PROS1: variants seen among roughly 807,000 people sequenced by gnomAD.
The protein encoded by PROS1 is protein S, also known as vitamin K-dependent protein S.
PROS1 carries 29 observed loss-of-function variants against 75.9 expected under a neutral mutation model. The ratio of observed to expected loss-of-function variants is 0.38; its 90% CI spans 0.28 to 0.52. The LOEUF (loss-of-function observed/expected upper bound fraction) is 0.52. PROS1 is among the 20% of genes least tolerant of loss of function. PROS1 has a pLI of 0.83. For synonymous variants in PROS1, 245 were observed against 280.6 expected, an observed-to-expected ratio of 0.87 and a Z score of 1.27; for missense variants, 680 against 810.3, an observed-to-expected ratio of 0.84 and a Z score of 1.95.
intron 1 of PROS1, chr3:93,928,852 G>A (rs939697271): frequency 2.1e-5 from 15 of 718,660 alleles, no homozygotes; most frequent in Middle Eastern, 6.0e-4. Context: ...GAGAATAAAC[G>A]GGAAATAAAC....
intron 1 of PROS1, among the ~76,000 whole-genome samples, chr3:93,958,943 T>C (rs1478894544): frequency 1.3e-5 from 2 of 152,206 alleles, no homozygotes; most frequent in African/African-American, 2.4e-5. Context: ...GTAATCAATT[T>C]AGATGTGAAA....
chr3:93,959,856 T>A (rs191219564), intron 1 of PROS1, among the ~76,000 whole-genome samples: 17 of 152,358 alleles, frequency 1.1e-4, no homozygotes, highest in Admixed American at 1.0e-3. Flanking sequence ...GCTGTTACCA[T>A]ATTTTTTCGT....
chr3:93,950,304 C>G (rs933761028), intron 1 of PROS1, among the ~76,000 whole-genome samples: 6 of 152,198 alleles, frequency 3.9e-5, no homozygotes, highest in African/African-American at 7.2e-5. Context: ...CATACTTAAG[C>G]ATCCCTGTCT....
intron 1 of PROS1, among the ~76,000 whole-genome samples, chr3:93,941,429 C>T (rs1183170727): frequency 6.6e-6 from 1 of 152,194 alleles, no homozygotes; most frequent in Non-Finnish European, 1.5e-5. Flanking sequence ...TTCTACAAAA[C>T]AACAGCTCCT....
chr3:93,943,070 T>G (rs1709314776), intron 1 of PROS1, among the ~76,000 whole-genome samples: 1 of 152,186 alleles, frequency 6.6e-6, no homozygotes. Flanking sequence ...GCTTCCCACC[T>G]CTATACAGTC....
chr3:93,927,917 A>G (rs1240055007), intron 1 of PROS1, among the ~76,000 whole-genome samples: 1 of 139,038 alleles, frequency 7.2e-6, no homozygotes, highest in Non-Finnish European at 1.5e-5. Flanking sequence ...GTGTGTGTAT[A>G]TATATATGTG....
rs529378754 is a variant in PROS1 at position 93,936,754 on chromosome 3, T to C, written c.77-9347A>G. Among the ~76,000 whole-genome samples the C allele has an allele frequency of 5.6e-4, 85 of 152,338 alleles. 1 individual carries two copies. The highest frequency in any genetic ancestry group is 9.9e-4 in the Non-Finnish European group (67 of 68,016). On this transcript the variant is annotated intron_variant, in intron 1 of 14. Transcript: ENST00000394236. ...ACTAATACACAAGGCAAGTTAGTCATGGACTATTTCTAGCTGCTCTGTAAA... is the reference window on the plus strand; with the variant it reads ...ACTAATACACAAGGCAAGTTAGTCACGGACTATTTCTAGCTGCTCTGTAAA...
At position 93,947,658 on chromosome 3, in the gene PROS1, C is replaced by T. The variant is rs189539691; in HGVS notation, c.77-20251G>A. Among the ~76,000 whole-genome samples, 625 of 152,228 alleles carry T rather than the reference C, an allele frequency of 4.1e-3. 7 individuals are homozygous for T. The highest frequency in any genetic ancestry group is 0.014 in the African/African-American group (562 of 41,526). On this transcript the variant is annotated intron_variant, in intron 1 of 14. Transcript: ENST00000394236. ...CTCGGCTCACTGCAAGCTCCACCGC[C>T]CAGGTTCACACCATTCTCCTGCCTC...
rs1708537663 is a variant in PROS1, at chr3:93,898,580, A to C, written c.728-11T>G. 1 of 1,611,736 alleles carries C rather than the reference A, an allele frequency of 6.2e-7. No homozygotes were observed. The highest frequency in any genetic ancestry group is 1.3e-5 in the African/African-American group (1 of 74,960). ...AGCATTCATCTATATCTGAGGTAAAAAAAACACACGCACACAAACTTTAAT... is the reference window on the plus strand; with the variant it reads ...AGCATTCATCTATATCTGAGGTAAACAAAACACACGCACACAAACTTTAAT... On this transcript the variant is annotated splice_polypyrimidine_tract_variant and intron_variant, in intron 7 of 14. Coordinates refer to ENST00000394236, the MANE Select transcript of PROS1 (RefSeq NM_000313.4).
intron 1 of PROS1, among the ~76,000 whole-genome samples, chr3:93,951,657 A>T (rs1709498224): frequency 6.6e-6 from 1 of 152,212 alleles, no homozygotes; most frequent in Non-Finnish European, 1.5e-5. Flanking sequence ...AATCGTAAAC[A>T]CCATCGATGC....
At chr3:93,888,011 T>C (rs564858310) in intron 10 of PROS1, among the ~76,000 whole-genome samples, 2 of 152,356 alleles carry the variant, frequency 1.3e-5, no homozygotes, top group East Asian at 3.8e-4. Context: ...TATCAAGTAT[T>C]CTTAAAATCT....
At chr3:93,950,565 A>T (rs1182799467) in intron 1 of PROS1, among the ~76,000 whole-genome samples, 4 of 152,222 alleles carry the variant, frequency 2.6e-5, no homozygotes, top group Non-Finnish European at 5.9e-5. Context: ...GATACCCAGG[A>T]AAATAGGGCC....
chr3:93,915,481 A>G (rs2107185025), intron 3 of PROS1, among the ~76,000 whole-genome samples: 1 of 152,310 alleles, frequency 6.6e-6, no homozygotes, highest in East Asian at 1.9e-4. Flanking sequence ...AAATAAATAG[A>G]TAAATAAATT....
At chr3:93,880,613 T>C (rs1708262935) in intron 12 of PROS1, among the ~76,000 whole-genome samples, 1 of 152,230 alleles carries the variant, frequency 6.6e-6, no homozygotes, top group Admixed American at 6.5e-5. Context: ...GATAAATGCA[T>C]ACAATGTGTA....
At chr3:93,909,887 AATT>A (rs1708734251) in intron 4 of PROS1, among the ~76,000 whole-genome samples, 5 of 152,262 alleles carry the variant, frequency 3.3e-5, no homozygotes, top group East Asian at 3.9e-4. Flanking sequence ...TTTTTATCAA[AATT>A]ATTATTATTC....
At chr3:93,928,404 C>T (rs1709058500) in intron 1 of PROS1, among the ~76,000 whole-genome samples, 1 of 151,044 alleles carries the variant, frequency 6.6e-6, no homozygotes, top group Non-Finnish European at 1.5e-5. Flanking sequence ...CCTGGTGGAA[C>T]ATGCCTGTAA....
In PROS1 at chr3:93,891,606, C is replaced by T. The variant is rs189495062; in HGVS notation, c.1155+1327G>A. Among the ~76,000 whole-genome samples, 414 of 152,110 alleles carry T rather than the reference C, an allele frequency of 2.7e-3. 3 individuals carry two copies. Among genetic ancestry groups the T allele is most frequent in the African/African-American group, 8.9e-3 (369 of 41,504 alleles). ...TGTATTTTTAATAGAGATGGGGTTTCGCCATGTTGGTCAGGCTGCTCTCGA... is the reference window on the plus strand; with the variant it reads ...TGTATTTTTAATAGAGATGGGGTTTTGCCATGTTGGTCAGGCTGCTCTCGA... On this transcript the variant is annotated intron_variant, in intron 10 of 14. Transcript: ENST00000394236.
At chr3:93,948,914 A>G (rs996322465) in intron 1 of PROS1, among the ~76,000 whole-genome samples, 3 of 152,162 alleles carry the variant, frequency 2.0e-5, no homozygotes, top group Admixed American at 1.3e-4. Context: ...TTTTATGAAA[A>G]TATCTGGTAG....
chr3:93,898,312 G>C lies in PROS1; in HGVS notation c.849+136C>G, dbSNP rs1708533043. ...ATGACCATAATTAGTAAATAATCAT[G>C]ACTCATAACCTGCTTAAAGCTACAG... On this transcript the variant is annotated intron_variant, in intron 8 of 14. Transcript: ENST00000394236. The C allele has an allele frequency of 4.1e-6, 4 of 981,166 alleles. No homozygotes were observed. In the East Asian group the frequency reaches 1.1e-4, roughly 26 times the overall value. 60.8% of individuals were successfully genotyped at this position (981,166 alleles called of 1,614,324 possible).
Sources: allele counts gnomAD v4.1 joint callset (sites outside exome capture counted in the v4.1 genomes callset), GRCh38; gene constraint gnomAD v4.1.1; transcripts MANE v1.5; gene names NCBI Gene and HGNC (gene_info 2026-07-23, HGNC 2026-07-21).